PSMA1: variants seen among roughly 807,000 people sequenced by gnomAD.
The protein encoded by PSMA1 is proteasome 20S subunit alpha 1.
In PSMA1, 3 loss-of-function variants were observed where a neutral mutation model predicts 38.4. That is an observed-to-expected ratio of 0.08 (90% CI 0.04 to 0.20). PSMA1 has a LOEUF of 0.20. Ranked by LOEUF, PSMA1 falls within the 10% of genes least tolerant of loss-of-function variation. PSMA1 has a pLI of 1.00. For missense variants in PSMA1, 227 were observed against 325.3 expected (o/e 0.70, Z 2.32); for synonymous variants, 101 against 107.1 (o/e 0.94, Z 0.35).
At chr11:14,601,710 AC>A (rs1852582398) in intron 2 of PSMA1, among the ~76,000 whole-genome samples, 1 of 152,108 alleles carries the variant, frequency 6.6e-6, no homozygotes, top group African/African-American at 2.4e-5. Flanking sequence ...AAAAGTGAAC[AC>A]CCTTACTCCC....
chr11:14,610,538 T>C (rs1852697284), intron 2 of PSMA1, among the ~76,000 whole-genome samples: 1 of 152,390 alleles, frequency 6.6e-6, no homozygotes, highest in South Asian at 2.1e-4. Flanking sequence ...TCTACACCTA[T>C]GTCATGTACT....
chr11:14,638,545 C>CTATA (rs1243564648), intron 1 of PSMA1, among the ~76,000 whole-genome samples: 1 of 15,960 alleles, frequency 6.3e-5, no homozygotes, highest in Non-Finnish European at 1.0e-4. Flanking sequence ...CTCTCTCTCT[C>CTATA]TATATATATA....
At chr11:14,602,469 A>C (rs1041435196) in intron 2 of PSMA1, among the ~76,000 whole-genome samples, 1 of 151,432 alleles carries the variant, frequency 6.6e-6, no homozygotes, top group Non-Finnish European at 1.5e-5. Context: ...CAGAGGTATG[A>C]AAAAAAAATC....
chr11:14,526,176 G>C (rs1347014327), intron 2 of PSMA1, among the ~76,000 whole-genome samples: 1 of 152,022 alleles, frequency 6.6e-6, no homozygotes, highest in Non-Finnish European at 1.5e-5. Flanking sequence ...GGATACTTTC[G>C]CCTTTGGATA....
At chr11:14,510,516 T>C (rs1487277014) in intron 8 of PSMA1, among the ~76,000 whole-genome samples, 3 of 152,152 alleles carry the variant, frequency 2.0e-5, no homozygotes, top group African/African-American at 7.2e-5. Context: ...GTACGTTCCA[T>C]GAAGAAAAAG....
At chr11:14,621,353 G>A (rs1852841455) in intron 1 of PSMA1, among the ~76,000 whole-genome samples, 1 of 151,798 alleles carries the variant, frequency 6.6e-6, no homozygotes, top group Admixed American at 6.6e-5. Flanking sequence ...ATAGCTCACT[G>A]CAGCCTCAAC....
In PSMA1 at chr11:14,534,256, A is replaced by C. The variant is rs1043929156; in HGVS notation, c.22-15215T>G. Among the ~76,000 whole-genome samples the C allele has an allele frequency of 2.4e-4, 36 of 152,312 alleles. No individual in the cohort carries two copies. Among genetic ancestry groups the C allele is most frequent in the African/African-American group, 7.9e-4 (33 of 41,576 alleles). ...TATCTCAAAATAAACTGCCACAAAA[A>C]ATTTGTATCAAATTATATATGATTC... On this transcript the variant is annotated intron_variant, in intron 2 of 10. Transcript: ENST00000418988. This position sits in a 1 kb window ranked among gnomAD's most constrained non-coding sequence, Gnocchi z 4.5.
At chr11:14,634,854 C>G (rs1275552264) in intron 1 of PSMA1, among the ~76,000 whole-genome samples, 1 of 152,196 alleles carries the variant, frequency 6.6e-6, no homozygotes, top group Non-Finnish European at 1.5e-5. Context: ...GAGAAACTTA[C>G]TGCACTGTGT....
chr11:14,601,227 G>C (rs147230455), intron 2 of PSMA1, among the ~76,000 whole-genome samples: 1 of 152,142 alleles, frequency 6.6e-6, no homozygotes, highest in Non-Finnish European at 1.5e-5. Flanking sequence ...GCCTAAACTG[G>C]GGGGAGTGGG....
intron 9 of PSMA1, 71 bp from the exon 10 acceptor site, chr11:14,505,319 T>C: frequency 8.0e-7 from 1 of 1,249,902 alleles, no homozygotes; most frequent in Admixed American, 1.7e-5. Flanking sequence ...TAATCACAAA[T>C]ATTACGTTAT....
chr11:14,535,027 T>C (rs1028404431), intron 2 of PSMA1, among the ~76,000 whole-genome samples: 3 of 152,126 alleles, frequency 2.0e-5, no homozygotes, highest in East Asian at 1.9e-4. Context: ...TGGGCCGAGA[T>C]TGCACCACTG....
In PSMA1 at chr11:14,633,460, G is replaced by T. The variant is rs1372761449; in HGVS notation, c.-166+9995C>A. On this transcript the variant is annotated intron_variant, in intron 1 of 10. Transcript: ENST00000418988. ...CCAGTTAGGCTGCTCGGGGGTCAGG[G>T]GTCAGGGACCCACTTGAGGAGGCAG... Among the ~76,000 whole-genome samples, 25 of 151,794 alleles carry T rather than the reference G, an allele frequency of 1.6e-4. No individual in the cohort carries two copies. The South Asian group carries it at 5.2e-3, about 32-fold the overall frequency.
chr11:14,518,537 C>A (rs918226690), intron 2 of PSMA1, among the ~76,000 whole-genome samples: 1 of 152,216 alleles, frequency 6.6e-6, no homozygotes, highest in Non-Finnish European at 1.5e-5. Context: ...TTTTCCTCTG[C>A]TGTGGCAAGG....
chr11:14,574,307 G>A (rs1852186115), intron 2 of PSMA1, among the ~76,000 whole-genome samples: 1 of 152,160 alleles, frequency 6.6e-6, no homozygotes, highest in African/African-American at 2.4e-5. Flanking sequence ...CAGGCCCAGG[G>A]CACACTGCTC....
chr11:14,527,215 G>T (rs1851597443), intron 2 of PSMA1, among the ~76,000 whole-genome samples: 2 of 152,284 alleles, frequency 1.3e-5, no homozygotes, highest in Non-Finnish European at 2.9e-5. Context: ...TGCTGATAAG[G>T]TAGCTAAAGA....
intron 2 of PSMA1, among the ~76,000 whole-genome samples, chr11:14,560,297 T>C (rs1851993843): frequency 6.6e-6 from 1 of 152,110 alleles, no homozygotes; most frequent in African/African-American, 2.4e-5. Flanking sequence ...TTTTTCTGGG[T>C]AAACTTACAA....
chr11:14,572,871 A>T (rs944695418), intron 2 of PSMA1, among the ~76,000 whole-genome samples: 1 of 152,260 alleles, frequency 6.6e-6, no homozygotes, highest in African/African-American at 2.4e-5. Context: ...CTACCATCAG[A>T]GAATACTATA....
chr11:14,553,225 T>G (rs1851905962), intron 2 of PSMA1, among the ~76,000 whole-genome samples: 1 of 152,186 alleles, frequency 6.6e-6, no homozygotes, highest in African/African-American at 2.4e-5. Context: ...CTGTGTACCC[T>G]TTATCCTGTT....
At chr11:14,620,755 T>G (rs1852834530) in intron 1 of PSMA1, among the ~76,000 whole-genome samples, 1 of 152,206 alleles carries the variant, frequency 6.6e-6, no homozygotes, top group African/African-American at 2.4e-5. Flanking sequence ...GTTTAGATCT[T>G]GTCCAACAAC....
Sources: gnomAD v4.1 joint callset for allele counts (sites outside exome capture counted in the v4.1 genomes callset) on GRCh38, gnomAD v4.1.1 for gene constraint, Gnocchi (gnomAD v3.1) non-coding constraint, MANE v1.5 for transcripts, NCBI Gene and HGNC (gene_info 2026-07-23, HGNC 2026-07-21) for gene names.